The following SLC37A3 variants were observed in gnomAD, a reference collection of about 807,000 sequenced individuals.
SLC37A3 encodes the protein solute carrier family 37 member 3, also known as sugar phosphate exchanger 3.
In SLC37A3, 51 loss-of-function variants were observed where a neutral mutation model predicts 67.1. That is an observed-to-expected ratio of 0.76 (90% CI 0.61 to 0.96). The LOEUF is 0.96. Ranked by LOEUF, SLC37A3 falls within the 40% of genes least tolerant of loss-of-function variation. SLC37A3 has a pLI of 0.00. For synonymous variants in SLC37A3, 214 were observed against 231.4 expected (o/e 0.92, Z 0.68); for missense variants, 508 against 603.0 (o/e 0.84, Z 1.65).
In SLC37A3 at chr7:140,349,286, G is replaced by A. The variant is rs376430999; in HGVS notation, c.883-519C>T. On this transcript the variant is annotated intron_variant, in intron 9 of 14. Transcript: ENST00000326232. ...CAAAGGGACTACACTACAGTTCCACGGTCTAAGAAAAGCAGCAGCATGATA... is the reference window on the plus strand; with the variant it reads ...CAAAGGGACTACACTACAGTTCCACAGTCTAAGAAAAGCAGCAGCATGATA... Among the ~76,000 whole-genome samples, 321 of 152,248 alleles carry A rather than the reference G, an allele frequency of 2.1e-3. 13 individuals are homozygous for A. In the South Asian group the frequency reaches 0.048, roughly 23 times the overall value.
chr7:140,340,027 C>T (rs1796298040), intron 13 of SLC37A3, among the ~76,000 whole-genome samples: 1 of 152,140 alleles, frequency 6.6e-6, no homozygotes, highest in South Asian at 2.1e-4. Flanking sequence ...CTTAAGCCAC[C>T]GCGCCCGGCC....
chr7:140,336,824 C>T (rs960834829), intron 14 of SLC37A3, among the ~76,000 whole-genome samples: 26 of 152,022 alleles, frequency 1.7e-4, no homozygotes, highest in Non-Finnish European at 3.2e-4. Flanking sequence ...TGAAGTCAGG[C>T]GCAGTGGCTC....
intron 13 of SLC37A3, among the ~76,000 whole-genome samples, chr7:140,342,046 T>C (rs1038793574): frequency 3.9e-5 from 6 of 152,190 alleles, no homozygotes; most frequent in African/African-American, 1.2e-4. Context: ...CCACAAGTAA[T>C]GTCTACTGTG....
chr7:140,384,179 C>T (rs1450282718), intron 1 of SLC37A3, among the ~76,000 whole-genome samples: 4 of 151,962 alleles, frequency 2.6e-5, no homozygotes, highest in African/African-American at 9.7e-5. Context: ...AATCATTTGT[C>T]ACGAAGACTT....
In SLC37A3 at chr7:140,374,358, C is replaced by T. The variant is rs151181399; in HGVS notation, c.199-4676G>A. Among the ~76,000 whole-genome samples, 396 of 152,092 alleles carry T rather than the reference C, an allele frequency of 2.6e-3. 15 individuals are homozygous for T. In the South Asian group the frequency reaches 0.049, roughly 19 times the overall value. On this transcript the variant is annotated intron_variant, in intron 3 of 14. Transcript: ENST00000326232. ...CCAAAAAATACAAAAACTAGCCGGG[C>T]GTGGTGGCATGTGCCTGTAGTGCCA...
At chr7:140,351,046 G>A (rs371824743) in intron 9 of SLC37A3, among the ~76,000 whole-genome samples, 4 of 152,110 alleles carry the variant, frequency 2.6e-5, no homozygotes, top group African/African-American at 9.7e-5. Context: ...ATGGTTCCCC[G>A]AAGTCAAAAA....
chr7:140,351,131 A>T, intron 9 of SLC37A3, 142 bp downstream of exon 9: 1 of 763,206 alleles, frequency 1.3e-6, no homozygotes, highest in Non-Finnish European at 2.0e-6. Context: ...GAGGGGCACT[A>T]GACAACATTC....
intron 13 of SLC37A3, chr7:140,337,576 CAGA>C (rs2117003613): frequency 5.5e-6 from 2 of 362,138 alleles, no homozygotes. Flanking sequence ...GTTGTCAGTT[CAGA>C]AGGTTTATTT....
At chr7:140,352,216 G>A in intron 7 of SLC37A3, 70 bp from the exon 8 acceptor site, 1 of 1,111,790 alleles carries the variant, frequency 9.0e-7, no homozygotes, top group Admixed American at 2.3e-5. Context: ...TTCATTAAAG[G>A]TGTGTGGGGG....
chr7:140,354,039 T>C (rs1796923973), intron 7 of SLC37A3, among the ~76,000 whole-genome samples: 1 of 152,198 alleles, frequency 6.6e-6, no homozygotes, highest in Non-Finnish European at 1.5e-5. Flanking sequence ...ATTGCTGCAG[T>C]GCACTGCTAT....
chr7:140,350,963 C>T lies in SLC37A3; in HGVS notation c.882+310G>A, dbSNP rs759110463. Among the ~76,000 whole-genome samples the T allele has an allele frequency of 1.2e-4, 18 of 152,246 alleles. No individual in the cohort carries two copies. The South Asian group carries it at 3.3e-3, about 28-fold the overall frequency. The stretch of plus-strand genomic sequence containing the variant: ...AGCAGAGCTCTTTGGCCAAGTCTGG[C>T]CACGTCTAACTGTCCCATGTTTTCT... On this transcript the variant is annotated intron_variant, in intron 9 of 14. Transcript: ENST00000326232.
chr7:140,361,498 C>T (rs67985863), intron 5 of SLC37A3, among the ~76,000 whole-genome samples: 55,506 of 71,094 alleles, frequency 0.78, 20,578 homozygotes, highest in South Asian at 0.85. Context: ...CCTCTCCCTC[C>T]CCCTCCCCCT....
chr7:140,388,772 G>A (rs561444668), intron 1 of SLC37A3, among the ~76,000 whole-genome samples: 82 of 151,998 alleles, frequency 5.4e-4, no homozygotes, highest in African/African-American at 1.9e-3. Context: ...TCATGCCACT[G>A]CACTCCAGCC....
At chr7:140,358,460 G>A (rs1377144036) in intron 6 of SLC37A3, among the ~76,000 whole-genome samples, 180 bp downstream of exon 6, 1 of 152,052 alleles carries the variant, frequency 6.6e-6, no homozygotes, top group East Asian at 1.9e-4. Flanking sequence ...TGACTTCTAA[G>A]GTCCACACCA....
chr7:140,335,531 T>C (rs781536766), intron 14 of SLC37A3, 27 bp from the exon 15 acceptor site: 2 of 1,606,496 alleles, frequency 1.2e-6, no homozygotes, highest in Non-Finnish European at 1.7e-6. Context: ...GTATTAAATA[T>C]GCAGCAACAG....
chr7:140,347,807 T>C (rs1017589414), intron 10 of SLC37A3, among the ~76,000 whole-genome samples: 1 of 151,394 alleles, frequency 6.6e-6, no homozygotes, highest in African/African-American at 2.4e-5. Flanking sequence ...ATGAAACAAC[T>C]GTAAAACATT....
At chr7:140,350,663 C>T (rs147045998) in intron 9 of SLC37A3, among the ~76,000 whole-genome samples, 5,143 of 152,202 alleles carry the variant, frequency 0.034, 128 homozygotes, top group South Asian at 0.14. Flanking sequence ...ACTCGGGAGG[C>T]TGAGGCAGGA....
chr7:140,393,572 G>A (rs756857512), intron 1 of SLC37A3, among the ~76,000 whole-genome samples: 5 of 152,092 alleles, frequency 3.3e-5, no homozygotes, highest in Non-Finnish European at 5.9e-5. Context: ...GTTCTTCCAC[G>A]AGAGGAGTGT....
At chr7:140,374,674 A>G (rs1318128307) in intron 3 of SLC37A3, among the ~76,000 whole-genome samples, 1 of 151,984 alleles carries the variant, frequency 6.6e-6, no homozygotes, top group South Asian at 2.1e-4. Context: ...GACCCCCACC[A>G]TCTCTACAAA....
Sources: allele counts gnomAD v4.1 joint callset (sites outside exome capture counted in the v4.1 genomes callset), GRCh38; gene constraint gnomAD v4.1.1; transcripts MANE v1.5; gene names NCBI Gene and HGNC (gene_info 2026-07-23, HGNC 2026-07-21).